The following ACACA variants were observed in gnomAD, a reference collection of about 807,000 sequenced individuals.
The protein encoded by ACACA is acetyl-CoA carboxylase alpha, also known as acetyl-CoA carboxylase 1.
Under a neutral mutation model 296.1 loss-of-function variants are expected in ACACA, and 103 were observed. The observed-to-expected ratio is 0.35, with a 90% CI of 0.30 to 0.41. The LOEUF (loss-of-function observed/expected upper bound fraction) is 0.41, where lower values mean the gene tolerates loss of function less well. Ranked by LOEUF, ACACA falls within the 10% of genes least tolerant of loss-of-function variation. The probability of loss-of-function intolerance (pLI) is 1.00; values close to 1 mark genes in which losing one functional copy is unlikely to be tolerated. For synonymous variants in ACACA, 953 were observed against 1,038.6 expected, an observed-to-expected ratio of 0.92 and a Z score of 1.58; for missense variants, 1,554 against 2,989.7, an observed-to-expected ratio of 0.52 and a Z score of 11.20.
In ACACA at chr17:37,252,779, A is replaced by G; in HGVS notation, c.1977+107T>C. 2.7e-6 allele frequency: 4 copies of G among 1,480,142 alleles called. 1 individual carries two copies. The East Asian group carries it at 9.0e-5, about 33-fold the overall frequency. The allele number at this position is 1,480,142 out of a possible 1,614,324, so 91.7% of individuals were successfully genotyped here. On this transcript the variant is annotated intron_variant, in intron 15 of 55. Coordinates refer to ENST00000616317, the MANE Select transcript of ACACA (RefSeq NM_198834.3). ...ACTCCTAGATTTTTCCAGGTAGATC[A>G]AGAACCATTTACATTAGAATCAAAT... is the stretch of plus-strand genomic sequence containing the variant.
chr17:37,355,547 C>T (rs1440851123), intron 1 of ACACA, among the ~76,000 whole-genome samples: 1 of 149,326 alleles, frequency 6.7e-6, no homozygotes, highest in African/African-American at 2.5e-5. Context: ...CAGAGTGAGA[C>T]TCTGTCTCAA....
chr17:37,335,856 C>A lies in ACACA; in HGVS notation c.85+3948G>T, dbSNP rs545715134. Among the ~76,000 whole-genome samples the A allele has an allele frequency of 2.0e-5, 3 of 152,192 alleles. No homozygotes were observed. The South Asian group carries it at 6.2e-4, about 32-fold the overall frequency. ...TGCTAACCGCGGAAAGCGGGGGAAC[C>A]TTTTTATTTTTAGAGGAAAAATGCT... On this transcript the variant is annotated intron_variant, in intron 2 of 55. Coordinates refer to ENST00000616317, the MANE Select transcript of ACACA (RefSeq NM_198834.3).
chr17:37,151,541 G>A, intron 43 of ACACA, 120 bp from the exon 44 acceptor site: 1 of 1,207,562 alleles, frequency 8.3e-7, no homozygotes, highest in South Asian at 1.3e-5. Context: ...TTAATGCCAG[G>A]GCTTTATGTG....
intron 6 of ACACA, 78 bp from the exon 7 acceptor site, chr17:37,277,192 T>C: frequency 7.5e-7 from 1 of 1,340,754 alleles, no homozygotes; most frequent in Non-Finnish European, 1.1e-6. Context: ...CTATCCAGGC[T>C]GGCCCTGTTT....
At chr17:37,229,951 C>T (rs1211644485) in intron 25 of ACACA, among the ~76,000 whole-genome samples, 1 of 151,852 alleles carries the variant, frequency 6.6e-6, no homozygotes, top group Non-Finnish European at 1.5e-5. Context: ...CCTGTAATCC[C>T]AGCTACTTGG....
At position 37,203,509 on chromosome 17, in the gene ACACA, C is replaced by T. The variant is rs543245716; in HGVS notation, c.4056+2256G>A. ...TTGTAATCCCAGCACTTTGGGAGGC[C>T]GAGGCAGGCAGATCACCTGAGGTTG... On this transcript the variant is annotated intron_variant, in intron 33 of 55. Transcript: ENST00000616317. 1.1e-4 allele frequency among the ~76,000 whole-genome samples: 16 copies of T among 151,718 alleles called. No individual in the cohort carries two copies. The South Asian group carries it at 2.9e-3, about 28-fold the overall frequency.
chr17:37,233,526 T>C (rs2079962668), intron 25 of ACACA, among the ~76,000 whole-genome samples: 1 of 152,124 alleles, frequency 6.6e-6, no homozygotes, highest in South Asian at 2.1e-4. Flanking sequence ...AAAAACGTAA[T>C]CACAATAAAA....
intron 1 of ACACA, among the ~76,000 whole-genome samples, chr17:37,354,172 G>A (rs1377301964): frequency 1.3e-5 from 2 of 152,122 alleles, no homozygotes; most frequent in Non-Finnish European, 2.9e-5. Context: ...AAATAGTACT[G>A]CCATGCAATT....
intron 3 of ACACA, among the ~76,000 whole-genome samples, chr17:37,294,063 A>AT (rs113840526): frequency 0.018 from 2,686 of 150,418 alleles, 85 homozygotes; most frequent in African/African-American, 0.062. Context: ...ATACACTGGT[A>AT]TTTTTTTTTG....
chr17:37,383,817 C>T (rs1366329552), intron 1 of ACACA, among the ~76,000 whole-genome samples: 1 of 152,196 alleles, frequency 6.6e-6, no homozygotes, highest in Non-Finnish European at 1.5e-5. Context: ...TCCCAAAGTG[C>T]TGCGATTATA....
At chr17:37,307,626 G>A (rs750425760) in intron 3 of ACACA, among the ~76,000 whole-genome samples, 5 of 151,942 alleles carry the variant, frequency 3.3e-5, no homozygotes, top group South Asian at 2.1e-4. Flanking sequence ...ACAGAGTCTC[G>A]CTCTATCCCT....
At chr17:37,156,053 C>CTTTTTTTTTTTTTTTT (rs60787242) in intron 42 of ACACA, among the ~76,000 whole-genome samples, 20 of 94,004 alleles carry the variant, frequency 2.1e-4, no homozygotes, top group East Asian at 7.3e-4. Flanking sequence ...TTCTTTCTTT[C>CTTTTTTTTTTTTTTTT]TTTTTTTTTT....
intron 6 of ACACA, among the ~76,000 whole-genome samples, chr17:37,277,518 C>T (rs947117696): frequency 6.6e-6 from 1 of 152,166 alleles, no homozygotes; most frequent in Admixed American, 6.5e-5. Context: ...CCTCTTTGGG[C>T]TTTAAGGTAC....
intron 29 of ACACA, among the ~76,000 whole-genome samples, chr17:37,219,091 G>T (rs2079163408): frequency 6.6e-6 from 1 of 152,192 alleles, no homozygotes; most frequent in African/African-American, 2.4e-5. Context: ...TGATTAGAAG[G>T]TTGAGGGCTT....
intron 45 of ACACA, chr17:37,143,561 C>T (rs556458013): frequency 3.5e-6 from 2 of 572,484 alleles, no homozygotes; most frequent in East Asian, 4.0e-5. Flanking sequence ...AGACACCATA[C>T]AGTTTAAAAA....
At chr17:37,204,941 CTT>C (rs2078429257) in intron 33 of ACACA, among the ~76,000 whole-genome samples, 1 of 152,132 alleles carries the variant, frequency 6.6e-6, no homozygotes, top group South Asian at 2.1e-4. Flanking sequence ...AATGGAAACT[CTT>C]TGGAGGGAGA....
intron 3 of ACACA, among the ~76,000 whole-genome samples, chr17:37,308,623 C>T (rs2083989492): frequency 6.6e-6 from 1 of 152,054 alleles, no homozygotes; most frequent in Admixed American, 6.6e-5. Flanking sequence ...CTACAGAAAT[C>T]AAATACATAA....
intron 1 of ACACA, among the ~76,000 whole-genome samples, chr17:37,393,158 G>GA (rs1255703071): frequency 4.9e-4 from 67 of 136,620 alleles, no homozygotes; most frequent in African/African-American, 1.1e-3. Context: ...AAAAAAAAAA[G>GA]AAAAAAAAAA....
chr17:37,341,697 A>C (rs2048378146), intron 1 of ACACA, among the ~76,000 whole-genome samples: 1 of 151,954 alleles, frequency 6.6e-6, no homozygotes, highest in East Asian at 1.9e-4. Context: ...CTCAAAAAAA[A>C]AAAAAAAAGC....
Sources: allele counts gnomAD v4.1 joint callset (sites outside exome capture counted in the v4.1 genomes callset), GRCh38; gene constraint gnomAD v4.1.1; transcripts MANE v1.5; gene names NCBI Gene and HGNC (gene_info 2026-07-23, HGNC 2026-07-21).